Variants in NMD3 observed in about 807,000 individuals in gnomAD.
NMD3 encodes NMD3 ribosome export adaptor.
Under a neutral mutation model 73.1 loss-of-function variants are expected in NMD3, and 47 were observed. The ratio of observed to expected loss-of-function variants is 0.64; its 90% CI spans 0.51 to 0.82. NMD3 has a LOEUF of 0.82. Among genes scored for constraint, NMD3 ranks in the 40% least tolerant of loss-of-function variants. The pLI is 0.00. For missense variants in NMD3, 554 were observed against 612.5 expected (o/e 0.90, Z 1.01); for synonymous variants, 210 against 194.5 (o/e 1.08, Z -0.66).
At position 161,221,416 on chromosome 3, in the gene NMD3, T is replaced by C; in HGVS notation, c.-21+7T>C. 6.6e-6 allele frequency: 1 copy of C among 152,506 alleles called. No homozygotes were observed. Among genetic ancestry groups the C allele is most frequent in the East Asian group, 1.9e-4 (1 of 5,184 alleles). 9.4% of individuals were successfully genotyped at this position (152,506 alleles called of 1,614,324 possible). Reference sequence around the variant, plus strand: ...GCTGGTCTGGAGGCGCGAAGTAGGTTCCGGAGTCCGAGACCTGGGCTGTCG... The same window carrying C: ...GCTGGTCTGGAGGCGCGAAGTAGGTCCCGGAGTCCGAGACCTGGGCTGTCG... On this transcript the variant is annotated splice_region_variant and intron_variant, in intron 1 of 15. Coordinates refer to ENST00000351193, the MANE Select transcript of NMD3 (RefSeq NM_015938.5).
chr3:161,230,754 T>C (rs6765269), intron 4 of NMD3, among the ~76,000 whole-genome samples: 100,058 of 152,076 alleles, frequency 0.66, 35,391 homozygotes, highest in East Asian at 0.97. Context: ...GGAGTATGGA[T>C]AATTCATCTG....
rs1025440643 is a variant in NMD3, at chr3:161,246,525, A to C, written c.1130+77A>C. On this transcript the variant is annotated intron_variant, in intron 12 of 15. Transcript: ENST00000351193. ...TGGGAACCAGCAAAACTACCTAAAA[A>C]TACTAACATTGTTTATTCTAAAAAG... is the stretch of plus-strand genomic sequence containing the variant. The C allele has an allele frequency of 7.2e-6, 4 of 555,586 alleles. No individual in the cohort carries two copies. In the African/African-American group the frequency reaches 7.5e-5, roughly 10 times the overall value. The allele number at this position is 555,586 out of a possible 1,614,324, so 34.4% of individuals were successfully genotyped here. A position where few individuals can be genotyped will look rare whatever the true frequency, so the allele number is the denominator to read the frequency against.
intron 13 of NMD3, 139 bp downstream of exon 13, chr3:161,247,469 G>C: frequency 2.1e-6 from 1 of 481,290 alleles, no homozygotes; most frequent in African/African-American, 2.0e-5. Flanking sequence ...AGGTATAATA[G>C]CAAAATTTTT....
intron 7 of NMD3, among the ~76,000 whole-genome samples, chr3:161,236,194 T>C (rs1208829376): frequency 6.6e-6 from 1 of 152,152 alleles, no homozygotes; most frequent in East Asian, 1.9e-4. Context: ...GCACCTCAGC[T>C]GTTTCATTCT....
At chr3:161,242,420 G>T (rs1201502736) in intron 10 of NMD3, 88 bp from the exon 11 acceptor site, 45 of 1,232,146 alleles carry the variant, frequency 3.7e-5, no homozygotes, top group Non-Finnish European at 5.1e-5. Flanking sequence ...TTCCCAGTTG[G>T]TATCTACCAG....
At chr3:161,238,937 A>G in intron 9 of NMD3, 111 bp downstream of exon 9, 1 of 556,740 alleles carries the variant, frequency 1.8e-6, no homozygotes. Flanking sequence ...AAAAATTTAG[A>G]ATAAGTTCCT....
At position 161,221,990 on chromosome 3, in the gene NMD3, A is replaced by G. The variant is rs1341629692; in HGVS notation, c.-20-4A>G. ...TTTTTTTTTTTTTTTTTTTTTTTTAAAAGAACTTAAGGCATACAGAACGAT... is the reference window on the plus strand; with the variant it reads ...TTTTTTTTTTTTTTTTTTTTTTTTAGAAGAACTTAAGGCATACAGAACGAT... On this transcript the variant is annotated splice_region_variant and splice_polypyrimidine_tract_variant and intron_variant, in intron 1 of 15. Coordinates refer to ENST00000351193, the MANE Select transcript of NMD3 (RefSeq NM_015938.5). 2 of 1,089,688 alleles carry G rather than the reference A, an allele frequency of 1.8e-6. No individual in the cohort carries two copies. The highest frequency in any genetic ancestry group is 2.5e-6 in the Non-Finnish European group (2 of 814,174). 67.5% of individuals were successfully genotyped at this position (1,089,688 alleles called of 1,614,324 possible).
Position 161,242,560 on chromosome 3 carries a change from T to C in NMD3, c.924T>C (p.Cys308=). The C allele has an allele frequency of 6.2e-7, 1 of 1,613,706 alleles. No individual in the cohort carries two copies. The highest frequency in any genetic ancestry group is 1.3e-5 in the African/African-American group (1 of 75,030). The change falls in exon 11 of 16, where the codon TGT becomes TGC. Residue 308 remains cysteine (C), a synonymous_variant. Coordinates refer to ENST00000351193, the MANE Select transcript of NMD3 (RefSeq NM_015938.5). The part of the protein sequence containing the change: ...TFWSHPFNSL[C]HPKQLEEFIV... The stretch of plus-strand genomic sequence containing the variant: ...GGAGTCACCCTTTCAATAGTTTATG[T>C]CATCCCAAACAGCTAGAGGAGTTTA...
At position 161,243,582 on chromosome 3, in the gene NMD3, A is replaced by G. The variant is rs534179277; in HGVS notation, c.1017+929A>G. 4.3e-4 allele frequency among the ~76,000 whole-genome samples: 65 copies of G among 152,264 alleles called. 1 individual carries two copies. In the South Asian group the frequency reaches 0.012, roughly 29 times the overall value. ...TTTTTCTTTTATTGGTTATGATACCAACTTCCTTAGACAACTAGTGCATTT... is the reference window on the plus strand; with the variant it reads ...TTTTTCTTTTATTGGTTATGATACCGACTTCCTTAGACAACTAGTGCATTT... On this transcript the variant is annotated intron_variant, in intron 11 of 15. Transcript: ENST00000351193.
In NMD3 at chr3:161,242,584, T is replaced by A; in HGVS notation, c.948T>A (p.Phe316Leu). 1 of 1,613,696 alleles carries A rather than the reference T, an allele frequency of 6.2e-7. No individual in the cohort carries two copies. The highest frequency in any genetic ancestry group is 8.5e-7 in the Non-Finnish European group (1 of 1,179,726). The part of the protein sequence containing the change: ...SLCHPKQLEE[F>L]IVMECSIVQD... The stretch of plus-strand genomic sequence containing the variant: ...GTCATCCCAAACAGCTAGAGGAGTT[T>A]ATTGTGATGGAATGCAGCATAGTCC... Residue 316 changes from phenylalanine to leucine, a missense_variant, in exon 11 of 16, where the codon TTT (phenylalanine) becomes TTA (leucine). Transcript: ENST00000351193.
chr3:161,249,321 C>T lies in NMD3; in HGVS notation c.1204-133C>T, dbSNP rs1000641739. ...ATTTTAAAAGTCCTCTTGACACTGT[C>T]TCTCCATCCCTTCTCCTTTCTCCTG... On this transcript the variant is annotated intron_variant, in intron 13 of 15. Transcript: ENST00000351193. 3 of 531,416 alleles carry T rather than the reference C, an allele frequency of 5.6e-6. No homozygotes were observed. In the African/African-American group the frequency reaches 5.9e-5, roughly 10 times the overall value. 32.9% of individuals were successfully genotyped at this position (531,416 alleles called of 1,614,324 possible).
chr3:161,235,331 G>GT, intron 7 of NMD3, 119 bp downstream of exon 7: 122 of 385,746 alleles, frequency 3.2e-4, no homozygotes, highest in Middle Eastern at 6.6e-4. Context: ...CTTTCTGTTA[G>GT]GAAAAAAAAA....
chr3:161,240,907 T>C, intron 9 of NMD3, 139 bp from the exon 10 acceptor site: 1 of 507,584 alleles, frequency 2.0e-6, no homozygotes, highest in Non-Finnish European at 3.5e-6. Flanking sequence ...TTCTTTTCTT[T>C]AGTCTCTTTG....
Position 161,249,516 on chromosome 3 carries a change from A to G in NMD3, c.1266A>G (p.Lys422=), listed in dbSNP as rs779687640. The change falls in exon 14 of 16, where the codon AAA becomes AAG. Residue 422 remains lysine (K), a synonymous_variant. Coordinates refer to ENST00000351193, the MANE Select transcript of NMD3 (RefSeq NM_015938.5). The stretch of plus-strand genomic sequence containing the variant: ...AGCGTCGTAGAAACTGGAAATTGAA[A>G]GAGCTTGCAAGAGAGAGAGAAAACA... ...KRQRRRNWKL[K]ELARERENMD... 2.3e-5 allele frequency: 37 copies of G among 1,612,828 alleles called. No homozygotes were observed. In the East Asian group the frequency reaches 8.0e-4, roughly 35 times the overall value.
chr3:161,232,525 C>T (rs1199831701), intron 4 of NMD3, among the ~76,000 whole-genome samples: 1 of 152,056 alleles, frequency 6.6e-6, no homozygotes, highest in Non-Finnish European at 1.5e-5. Context: ...TCATTATATC[C>T]ATTGTTTATT....
intron 5 of NMD3, among the ~76,000 whole-genome samples, chr3:161,234,246 T>G (rs369438024): frequency 3.3e-5 from 5 of 152,006 alleles, no homozygotes; most frequent in African/African-American, 1.2e-4. Context: ...GGCAGATCAC[T>G]TGAGCCCTGG....
At chr3:161,227,104 A>T (rs1260962180) in intron 3 of NMD3, 143 bp from the exon 4 acceptor site, 14 of 537,924 alleles carry the variant, frequency 2.6e-5, no homozygotes, top group African/African-American at 4.0e-5. Flanking sequence ...GAACCATTAA[A>T]ATATGTTTGA....
chr3:161,243,174 T>C (rs1293790115), intron 11 of NMD3, among the ~76,000 whole-genome samples: 1 of 152,174 alleles, frequency 6.6e-6, no homozygotes, highest in African/African-American at 2.4e-5. Flanking sequence ...CCAAACTCTA[T>C]GTGTATTGTT....
Position 161,241,095 on chromosome 3 carries a change from T to G in NMD3, c.803T>G (p.Met268Arg). 1 of 1,613,458 alleles carries G rather than the reference T, an allele frequency of 6.2e-7. No homozygotes were observed. The highest frequency in any genetic ancestry group is 8.5e-7 in the Non-Finnish European group (1 of 1,179,724). ...AAACTGGCACAAAGCCTGGGAAATA[T>G]GAACCAGATTTGTGTGTGTATTCGA... ...SPKLAQSLGN[M>R]NQICVCIRVT... Residue 268 changes from methionine to arginine, a missense_variant, in exon 10 of 16, where the codon ATG becomes AGG. By Grantham distance (91) the Met-to-Arg change is moderately conservative. Transcript: ENST00000351193.
Sources: gnomAD v4.1 joint callset for allele counts (sites outside exome capture counted in the v4.1 genomes callset) on GRCh38, gnomAD v4.1.1 for gene constraint, MANE v1.5 for transcripts, NCBI Gene and HGNC (gene_info 2026-07-23, HGNC 2026-07-21) for gene names.